Variants in SGCD observed in about 807,000 individuals in gnomAD.
SGCD encodes the protein delta-sarcoglycan.
In SGCD, 18 loss-of-function variants were observed where a neutral mutation model predicts 36.6. That is an observed-to-expected ratio of 0.49 (90% confidence interval 0.34 to 0.73). The LOEUF (loss-of-function observed/expected upper bound fraction) is 0.73, where lower values mean the gene tolerates loss of function less well. Among genes scored for constraint, SGCD ranks in the 30% least tolerant of loss-of-function variants. SGCD has a pLI of 0.01. For synonymous variants in SGCD, 133 were observed against 130.6 expected, an observed-to-expected ratio of 1.02 and a Z score of -0.12; for missense variants, 387 against 346.7, an observed-to-expected ratio of 1.12 and a Z score of -0.92.
rs578063691 is a variant in SGCD, at chr5:156,202,629, C to A, written c.-44+78610C>A. Among the ~76,000 whole-genome samples, 8 of 152,164 alleles carry A rather than the reference C, an allele frequency of 5.3e-5. No individual in the cohort carries two copies. In the East Asian group the frequency reaches 1.5e-3, roughly 29 times the overall value. ...ATTGGTTCCAAATAAGGTGACAGCT[C>A]CCAGGTTTTGAAGATGTAGATCAAC... On this transcript the variant is annotated intron_variant, in intron 3 of 9. Transcript: ENST00000517913.
chr5:156,356,481 G>A (rs1040997694), intron 3 of SGCD, among the ~76,000 whole-genome samples: 10 of 152,182 alleles, frequency 6.6e-5, no homozygotes, highest in African/African-American at 2.4e-4. Flanking sequence ...AAAGAAGATG[G>A]AAGTGCATAG....
chr5:156,185,260 G>A (rs1471698781), intron 3 of SGCD, among the ~76,000 whole-genome samples: 3 of 147,532 alleles, frequency 2.0e-5, no homozygotes, highest in Non-Finnish European at 4.4e-5. Flanking sequence ...TGTTGCCCAG[G>A]CTGGAGTGCA....
At chr5:156,024,830 T>C (rs917116968) in intron 1 of SGCD, among the ~76,000 whole-genome samples, 1 of 151,764 alleles carries the variant, frequency 6.6e-6, no homozygotes, top group Non-Finnish European at 1.5e-5. Context: ...TGGTGGCGTG[T>C]GCCTGTAGTC....
At chr5:156,703,586 A>G (rs1754615471) in intron 7 of SGCD, among the ~76,000 whole-genome samples, 1 of 152,088 alleles carries the variant, frequency 6.6e-6, no homozygotes, top group South Asian at 2.1e-4. Flanking sequence ...ATTTTATACC[A>G]TGCTAGGCAA....
intron 2 of SGCD, among the ~76,000 whole-genome samples, chr5:156,338,164 T>TG (rs1768456258): frequency 1.7e-5 from 1 of 59,556 alleles, no homozygotes; most frequent in African/African-American, 1.4e-4. Context: ...GTTCACTGGG[T>TG]TTTTTGTTTG....
intron 4 of SGCD, among the ~76,000 whole-genome samples, chr5:156,557,428 A>G (rs536337719): frequency 1.3e-5 from 2 of 152,300 alleles, no homozygotes; most frequent in South Asian, 4.1e-4. Flanking sequence ...AATTAACAGT[A>G]CTATTATGGA....
chr5:156,664,958 T>C (rs1764083596), intron 7 of SGCD, among the ~76,000 whole-genome samples: 1 of 149,048 alleles, frequency 6.7e-6, no homozygotes, highest in South Asian at 2.1e-4. Context: ...TCTCCTTCCT[T>C]TCTTGATTTA....
intron 1 of SGCD, among the ~76,000 whole-genome samples, chr5:156,076,972 G>A (rs10062823): frequency 0.084 from 12,853 of 152,170 alleles, 1,700 homozygotes; most frequent in African/African-American, 0.28. Flanking sequence ...TACAATGTTT[G>A]TTTTACTGCT....
chr5:156,673,168 T>C (rs992015578), intron 7 of SGCD, among the ~76,000 whole-genome samples: 1 of 152,230 alleles, frequency 6.6e-6, no homozygotes, highest in Non-Finnish European at 1.5e-5. Flanking sequence ...AGTAACTGTC[T>C]GCAACACATT....
At chr5:156,173,230 TA>T (rs1763383711) in intron 3 of SGCD, among the ~76,000 whole-genome samples, 1 of 152,172 alleles carries the variant, frequency 6.6e-6, no homozygotes, top group South Asian at 2.1e-4. Flanking sequence ...TGACCTACTT[TA>T]TGATATGAAA....
intron 4 of SGCD, among the ~76,000 whole-genome samples, chr5:156,542,270 A>G (rs377362990): frequency 1.3e-5 from 2 of 152,042 alleles, no homozygotes; most frequent in South Asian, 4.1e-4. Context: ...AAAAAAAATT[A>G]TTTGGACAAA....
At chr5:156,223,291 T>C (rs796688991) in intron 3 of SGCD, among the ~76,000 whole-genome samples, 8 of 152,168 alleles carry the variant, frequency 5.3e-5, no homozygotes, top group African/African-American at 1.9e-4. Context: ...AGAAATAGAA[T>C]TCTATTAGAT....
intron 4 of SGCD, among the ~76,000 whole-genome samples, chr5:156,516,322 G>A (rs1310722220): frequency 6.6e-6 from 1 of 152,206 alleles, no homozygotes; most frequent in Non-Finnish European, 1.5e-5. Context: ...AGCTCCCAGA[G>A]GAAGGAGCAG....
At chr5:156,185,181 T>C (rs947443512) in intron 3 of SGCD, among the ~76,000 whole-genome samples, 1 of 151,916 alleles carries the variant, frequency 6.6e-6, no homozygotes, top group African/African-American at 2.4e-5. Context: ...GGCTTTGTTA[T>C]ACTGCATGCG....
At chr5:155,895,738 C>A (rs557235980) in intron 1 of SGCD, among the ~76,000 whole-genome samples, 65 of 151,322 alleles carry the variant, frequency 4.3e-4, no homozygotes, top group Admixed American at 7.2e-4. Flanking sequence ...TAAGTAAATT[C>A]TCTGTGGGAT....
intron 7 of SGCD, among the ~76,000 whole-genome samples, chr5:156,653,548 G>A (rs1432149745): frequency 2.4e-5 from 3 of 126,906 alleles, no homozygotes; most frequent in African/African-American, 8.8e-5. Flanking sequence ...GACTGAGTCA[G>A]GGACCTAGAA....
chr5:156,513,699 A>T (rs1332427407), intron 4 of SGCD, among the ~76,000 whole-genome samples: 1 of 152,248 alleles, frequency 6.6e-6, no homozygotes, highest in Non-Finnish European at 1.5e-5. Flanking sequence ...TGATTTCATT[A>T]CTGAAGGTTG....
chr5:155,746,280 A>G, the SGCD span, among the ~76,000 whole-genome samples: 1 of 152,170 alleles, frequency 6.6e-6, no homozygotes, highest in African/African-American at 2.4e-5. Context: ...TTCTTGGAGT[A>G]AAGAATTCAG....
At chr5:155,830,797 C>T in the SGCD span, among the ~76,000 whole-genome samples, 1 of 152,156 alleles carries the variant, frequency 6.6e-6, no homozygotes, top group Non-Finnish European at 1.5e-5. Flanking sequence ...CTTCTGGGGG[C>T]CACATAAGTT....
Sources: allele counts gnomAD v4.1 joint callset (sites outside exome capture counted in the v4.1 genomes callset), GRCh38; gene constraint gnomAD v4.1.1; transcripts MANE v1.5; gene names NCBI Gene and HGNC (gene_info 2026-07-23, HGNC 2026-07-21).